Variants in CTNNBL1 observed in about 807,000 individuals in gnomAD.
CTNNBL1 encodes the protein catenin beta like 1.
In CTNNBL1, 31 loss-of-function variants were observed where a neutral mutation model predicts 72.7. That is an observed-to-expected ratio of 0.43 (90% CI 0.32 to 0.58). The LOEUF is 0.58. Ranked by LOEUF, CTNNBL1 falls within the 20% of genes least tolerant of loss-of-function variation. The pLI is 0.08. For synonymous variants in CTNNBL1, 240 were observed against 267.3 expected (o/e 0.90, Z 1.00); for missense variants, 534 against 725.1 (o/e 0.74, Z 3.03).
intron 15 of CTNNBL1, among the ~76,000 whole-genome samples, chr20:37,868,914 A>G (rs914955903): frequency 6.6e-6 from 1 of 152,146 alleles, no homozygotes; most frequent in African/African-American, 2.4e-5. Flanking sequence ...CTTCCAGACC[A>G]TGCCTCCGGG....
intron 13 of CTNNBL1, among the ~76,000 whole-genome samples, chr20:37,853,569 C>G (rs904387739): frequency 1.3e-5 from 2 of 152,202 alleles, no homozygotes; most frequent in East Asian, 3.8e-4. Context: ...GTCCTTATCT[C>G]AAGATCACCT....
At chr20:37,734,510 T>C (rs1009441504) in intron 2 of CTNNBL1, among the ~76,000 whole-genome samples, 1 of 152,118 alleles carries the variant, frequency 6.6e-6, no homozygotes, top group African/African-American at 2.4e-5. Context: ...GGATAGTAGC[T>C]GTCATGGGTA....
Position 37,765,061 on chromosome 20 carries a change from A to G in CTNNBL1, c.565-136A>G, listed in dbSNP as rs144721700. The G allele has an allele frequency of 7.8e-4, 512 of 658,562 alleles. 6 individuals are homozygous for G. In the African/African-American group the frequency reaches 8.2e-3, roughly 11 times the overall value. The allele number at this position is 658,562 out of a possible 1,614,324, so 40.8% of individuals were successfully genotyped here. ...AAAAGAGATAATGGGATGGGAGAGC[A>G]CCTTGTAAACCATAGATTGCTGCTT... On this transcript the variant is annotated intron_variant, in intron 5 of 15. Transcript: ENST00000361383.
chr20:37,708,184 A>G (rs1206302379), intron 1 of CTNNBL1, among the ~76,000 whole-genome samples: 1 of 151,752 alleles, frequency 6.6e-6, no homozygotes, highest in Non-Finnish European at 1.5e-5. Flanking sequence ...GCAGCGATAG[A>G]CTTTCTTTTT....
intron 13 of CTNNBL1, among the ~76,000 whole-genome samples, chr20:37,847,355 G>T (rs1215386404): frequency 6.6e-6 from 1 of 152,146 alleles, no homozygotes; most frequent in East Asian, 1.9e-4. Context: ...AAGTCTGTGA[G>T]ATTCCAGGGC....
chr20:37,736,274 GT>G (rs1258150589), intron 2 of CTNNBL1, among the ~76,000 whole-genome samples: 1 of 152,140 alleles, frequency 6.6e-6, no homozygotes, highest in Admixed American at 6.5e-5. Flanking sequence ...ACCGTTCTTA[GT>G]TTACGCACTG....
intron 2 of CTNNBL1, 137 bp downstream of exon 2, chr20:37,733,204 T>C (rs2073144887): frequency 8.0e-6 from 6 of 745,812 alleles, no homozygotes; most frequent in Non-Finnish European, 1.3e-5. Context: ...ATCGCGTTAA[T>C]GTGAAGGTTA....
chr20:37,802,997 A>G lies in CTNNBL1; in HGVS notation c.1162A>G (p.Lys388Glu). 1.2e-6 allele frequency: 2 copies of G among 1,614,164 alleles called. No homozygotes were observed. The highest frequency in any genetic ancestry group is 1.7e-6 in the Non-Finnish European group (2 of 1,180,034). Residue 388 changes from lysine (K) to glutamate (E), a missense_variant, in exon 11 of 16, where the codon AAA becomes GAA. Transcript: ENST00000361383. ...ACGAACCATCTTTCCCCTCTTTATG[A>G]AATCTCCCAGGAAGATCAAGAAAGT... ...GLRTIFPLFM[K>E]SPRKIKKVGT...
At chr20:37,700,894 G>A (rs536967483) in intron 1 of CTNNBL1, among the ~76,000 whole-genome samples, 6 of 152,312 alleles carry the variant, frequency 3.9e-5, no homozygotes, top group Admixed American at 2.0e-4. Flanking sequence ...TCCTCTATCA[G>A]TAATATCTTA....
intron 13 of CTNNBL1, among the ~76,000 whole-genome samples, chr20:37,850,003 G>T (rs76751466): frequency 1.3e-5 from 2 of 152,182 alleles, no homozygotes; most frequent in East Asian, 1.9e-4. Flanking sequence ...CAAGTATTTT[G>T]GGCCTGCATG....
chr20:37,722,914 A>T (rs2073052963), intron 1 of CTNNBL1, among the ~76,000 whole-genome samples: 1 of 152,202 alleles, frequency 6.6e-6, no homozygotes, highest in Non-Finnish European at 1.5e-5. Flanking sequence ...TAGCTCAGTA[A>T]ATACTTCCTT....
chr20:37,867,958 C>G (rs1436405067), intron 15 of CTNNBL1, among the ~76,000 whole-genome samples: 3 of 152,196 alleles, frequency 2.0e-5, no homozygotes, highest in Non-Finnish European at 1.5e-5. Flanking sequence ...GAGTACTAGG[C>G]CGGGTCGTCG....
chr20:37,863,645 T>TG (rs780701915), intron 15 of CTNNBL1, among the ~76,000 whole-genome samples: 86 of 152,096 alleles, frequency 5.7e-4, no homozygotes, highest in South Asian at 1.0e-3. Context: ...GCTGTAGTGT[T>TG]GGGTGGGGTG....
chr20:37,748,584 A>G lies in CTNNBL1; in HGVS notation c.466+1977A>G, dbSNP rs548035317. Among the ~76,000 whole-genome samples, 180 of 152,308 alleles carry G rather than the reference A, an allele frequency of 1.2e-3. 1 individual carries two copies. The highest frequency in any genetic ancestry group is 4.0e-3 in the African/African-American group (168 of 41,556). ...TATATATTGGGTATTGTCTTGGTCT[A>G]TTTGGGCTGCTATAACAAAATACCG... On this transcript the variant is annotated intron_variant, in intron 4 of 15. Coordinates refer to ENST00000361383, the MANE Select transcript of CTNNBL1 (RefSeq NM_030877.5).
chr20:37,790,063 T>G (rs1412500566), intron 10 of CTNNBL1, among the ~76,000 whole-genome samples: 1 of 152,238 alleles, frequency 6.6e-6, no homozygotes, highest in Non-Finnish European at 1.5e-5. Context: ...GTTGTTGTTC[T>G]AAGGTTTTCA....
At chr20:37,749,222 A>C (rs1600462105) in intron 4 of CTNNBL1, among the ~76,000 whole-genome samples, 1 of 152,300 alleles carries the variant, frequency 6.6e-6, no homozygotes, top group Admixed American at 6.5e-5. Context: ...GTCACCTGTT[A>C]CCCTGTATAT....
At chr20:37,860,214 C>G in intron 14 of CTNNBL1, 58 bp from the exon 15 acceptor site, 1 of 1,513,610 alleles carries the variant, frequency 6.6e-7, no homozygotes, top group Non-Finnish European at 9.2e-7. Context: ...GTGATACATT[C>G]TGGTGTGTCA....
intron 5 of CTNNBL1, among the ~76,000 whole-genome samples, chr20:37,764,685 G>A (rs963633742): frequency 6.6e-6 from 1 of 152,200 alleles, no homozygotes; most frequent in African/African-American, 2.4e-5. Context: ...TTCATAAGTA[G>A]TAGTTTCATA....
intron 10 of CTNNBL1, among the ~76,000 whole-genome samples, chr20:37,790,288 G>A (rs902323273): frequency 8.5e-5 from 13 of 152,200 alleles, no homozygotes; most frequent in Non-Finnish European, 7.4e-5. Context: ...AATGAACATC[G>A]GAAGGTCCAA....
Sources: allele counts gnomAD v4.1 joint callset (sites outside exome capture counted in the v4.1 genomes callset), GRCh38; gene constraint gnomAD v4.1.1; transcripts MANE v1.5; gene names NCBI Gene and HGNC (gene_info 2026-07-23, HGNC 2026-07-21).